The following MSRB2 variants were observed in gnomAD, a reference collection of about 807,000 sequenced individuals.
The protein encoded by MSRB2 is methionine sulfoxide reductase B2.
Under a neutral mutation model 19.0 loss-of-function variants are expected in MSRB2, and 17 were observed. The observed-to-expected ratio is 0.89, with a 90% CI of 0.61 to 1.34. MSRB2 has a LOEUF of 1.34. Ranked by LOEUF, MSRB2 falls within the 40% of genes most tolerant of loss-of-function variation. MSRB2 has a pLI of 0.00. For synonymous variants in MSRB2, 107 were observed against 99.7 expected (o/e 1.07, Z -0.44); for missense variants, 208 against 237.6 (o/e 0.88, Z 0.82).
intron 2 of MSRB2, among the ~76,000 whole-genome samples, chr10:23,109,831 A>G (rs993705859): frequency 1.1e-4 from 16 of 152,186 alleles, no homozygotes; most frequent in African/African-American, 3.4e-4. Flanking sequence ...TTATGTATTT[A>G]TATTCTGTCT....
chr10:23,116,278 A>G (rs547033032), intron 3 of MSRB2, among the ~76,000 whole-genome samples: 1 of 152,290 alleles, frequency 6.6e-6, no homozygotes, highest in Admixed American at 6.5e-5. Context: ...TACAGCCTTC[A>G]AGGTGGCCAT....
intron 1 of MSRB2, among the ~76,000 whole-genome samples, chr10:23,102,434 C>T (rs150660249): frequency 6.6e-6 from 1 of 152,162 alleles, no homozygotes; most frequent in East Asian, 1.9e-4. Context: ...AATAAAGGGT[C>T]ACACATTGGT....
intron 3 of MSRB2, among the ~76,000 whole-genome samples, chr10:23,117,249 C>T (rs540950119): frequency 4.6e-5 from 7 of 152,286 alleles, no homozygotes; most frequent in Non-Finnish European, 8.8e-5. Flanking sequence ...ATGGCTATAC[C>T]TGTGGTTCTT....
chr10:23,111,260 A>T (rs1159062008), intron 3 of MSRB2, among the ~76,000 whole-genome samples: 1 of 152,170 alleles, frequency 6.6e-6, no homozygotes. Flanking sequence ...CATGGGGGAA[A>T]CTAGAAGGAG....
chr10:23,103,842 G>A (rs1017613895), intron 1 of MSRB2, among the ~76,000 whole-genome samples: 4 of 152,220 alleles, frequency 2.6e-5, no homozygotes, highest in Admixed American at 2.6e-4. Context: ...CTACCCTTAG[G>A]TACCCGAAGG....
intron 3 of MSRB2, among the ~76,000 whole-genome samples, chr10:23,110,709 A>C (rs2131629018): frequency 6.6e-6 from 1 of 152,200 alleles, no homozygotes; most frequent in Middle Eastern, 3.4e-3. Flanking sequence ...ACTCTCTCCC[A>C]GGGAAAATGG....
chr10:23,095,864 C>A lies in MSRB2; in HGVS notation c.118+138C>A, dbSNP rs544408687. The A allele has an allele frequency of 8.4e-4, 390 of 465,488 alleles. 1 individual carries two copies. The highest frequency in any genetic ancestry group is 1.9e-3 in the Middle Eastern group (3 of 1,602). 28.8% of individuals were successfully genotyped at this position (465,488 alleles called of 1,614,324 possible). ...GCCCTCCTCGGCGCGCCCCTCCCCCCCCCCAGCCCGAGGATCTGGGACAGT... is the reference window on the plus strand; with the variant it reads ...GCCCTCCTCGGCGCGCCCCTCCCCCACCCCAGCCCGAGGATCTGGGACAGT... On this transcript the variant is annotated intron_variant, in intron 1 of 4. Transcript: ENST00000376510.
At chr10:23,117,810 C>T (rs61849912) in intron 3 of MSRB2, among the ~76,000 whole-genome samples, 32,073 of 152,064 alleles carry the variant, frequency 0.21, 3,977 homozygotes, top group Non-Finnish European at 0.28. Flanking sequence ...AGGCTGGTCT[C>T]GAACTCCTGA....
At chr10:23,096,348 C>CTGTGTGTGTGTGTG (rs1471780853) in intron 1 of MSRB2, among the ~76,000 whole-genome samples, 7 of 58,458 alleles carry the variant, frequency 1.2e-4, no homozygotes, top group African/African-American at 3.8e-4. Flanking sequence ...GTCTCTCTCT[C>CTGTGTGTGTGTGTG]TCTCTGTGTG....
chr10:23,099,805 A>G (rs778150766), intron 1 of MSRB2, among the ~76,000 whole-genome samples: 2 of 152,246 alleles, frequency 1.3e-5, no homozygotes, highest in Non-Finnish European at 2.9e-5. Context: ...GTAACAAAAT[A>G]TAGAGGTGTG....
intron 2 of MSRB2, among the ~76,000 whole-genome samples, chr10:23,106,330 C>T (rs11595935): frequency 3.3e-5 from 5 of 151,942 alleles, no homozygotes; most frequent in Non-Finnish European, 7.4e-5. Flanking sequence ...ATTAAAATTC[C>T]CTCCCGCATG....
intron 2 of MSRB2, among the ~76,000 whole-genome samples, chr10:23,106,761 G>A (rs1028466547): frequency 6.6e-6 from 1 of 152,214 alleles, no homozygotes; most frequent in Admixed American, 6.5e-5. Context: ...GCCTAGTGGA[G>A]GCCATGGCTT....
rs866691972 is a variant in MSRB2 at position 23,095,865 on chromosome 10, C to A, written c.118+139C>A. The A allele has an allele frequency of 6.7e-5, 31 of 464,396 alleles. 1 individual carries two copies. In the Middle Eastern group the frequency reaches 1.8e-3, roughly 28 times the overall value. 28.8% of individuals were successfully genotyped at this position (464,396 alleles called of 1,614,324 possible). On this transcript the variant is annotated intron_variant, in intron 1 of 4. Coordinates refer to ENST00000376510, the MANE Select transcript of MSRB2 (RefSeq NM_012228.4). ...CCCTCCTCGGCGCGCCCCTCCCCCC[C>A]CCCAGCCCGAGGATCTGGGACAGTG...
intron 1 of MSRB2, 127 bp downstream of exon 1, chr10:23,095,853 G>T: frequency 2.0e-6 from 1 of 508,466 alleles, no homozygotes; most frequent in Non-Finnish European, 2.9e-6. Flanking sequence ...TCCTCGGCGC[G>T]CCCCTCCCCC....
At chr10:23,100,773 GA>G (rs1411643968) in intron 1 of MSRB2, among the ~76,000 whole-genome samples, 1 of 152,180 alleles carries the variant, frequency 6.6e-6, no homozygotes, top group Non-Finnish European at 1.5e-5. Flanking sequence ...AATGTCACAT[GA>G]GATTTGGGTA....
chr10:23,107,474 G>A (rs957466340), intron 2 of MSRB2, among the ~76,000 whole-genome samples: 4 of 152,102 alleles, frequency 2.6e-5, no homozygotes, highest in Non-Finnish European at 5.9e-5. Flanking sequence ...GCTTAGTGTT[G>A]GCATTTTTCT....
At chr10:23,114,334 A>T (rs1018510858) in intron 3 of MSRB2, among the ~76,000 whole-genome samples, 1 of 144,362 alleles carries the variant, frequency 6.9e-6, no homozygotes, top group African/African-American at 2.6e-5. Context: ...TGAGTGACAG[A>T]GTGAGACTCC....
intron 2 of MSRB2, among the ~76,000 whole-genome samples, chr10:23,108,506 G>T (rs1840008491): frequency 7.0e-6 from 1 of 142,796 alleles, no homozygotes; most frequent in Admixed American, 7.3e-5. Flanking sequence ...GATGGAGTCT[G>T]GCTCTGTCGC....
At chr10:23,104,092 G>C in intron 1 of MSRB2, 52 bp from the exon 2 acceptor site, 1 of 1,463,328 alleles carries the variant, frequency 6.8e-7, no homozygotes, top group Non-Finnish European at 9.5e-7. Flanking sequence ...AGGAAGAAAA[G>C]TCCATCAGGC....
Sources: allele counts gnomAD v4.1 joint callset (sites outside exome capture counted in the v4.1 genomes callset), GRCh38; gene constraint gnomAD v4.1.1; transcripts MANE v1.5; gene names NCBI Gene and HGNC (gene_info 2026-07-23, HGNC 2026-07-21).